C9orf78: variants seen among roughly 807,000 people sequenced by gnomAD.
C9orf78 encodes the protein chromosome 9 open reading frame 78.
C9orf78 carries 19 observed loss-of-function variants against 37.4 expected under a neutral mutation model. The ratio of observed to expected loss-of-function variants is 0.51; its 90% CI spans 0.35 to 0.74. C9orf78 has a LOEUF of 0.74. Among genes scored for constraint, C9orf78 ranks in the 30% least tolerant of loss-of-function variants. The pLI is 0.01. For missense variants in C9orf78, 291 were observed against 370.8 expected, an observed-to-expected ratio of 0.78 and a Z score of 1.77; for synonymous variants, 130 against 128.0, an observed-to-expected ratio of 1.02 and a Z score of -0.10.
intron 1 of C9orf78, 26 bp from the exon 2 acceptor site, chr9:129,834,792 T>C (rs773835491): frequency 5.1e-6 from 8 of 1,554,006 alleles, no homozygotes; most frequent in Admixed American, 3.3e-5. Context: ...GAAGCAGCAA[T>C]GCATAAGCTG....
chr9:129,834,427 CTT>C (rs771304803), intron 2 of C9orf78: 39 of 432,744 alleles, frequency 9.0e-5, no homozygotes, highest in Non-Finnish European at 1.4e-4. Flanking sequence ...TATACAAACT[CTT>C]AACGATCGAT....
chr9:129,829,610 G>A, intron 6 of C9orf78, 69 bp from the exon 7 acceptor site: 1 of 1,424,634 alleles, frequency 7.0e-7, no homozygotes, highest in East Asian at 2.3e-5. Flanking sequence ...TGAGTGGTGA[G>A]GCTGGCAGCC....
intron 6 of C9orf78, chr9:129,829,747 C>T (rs902129414): frequency 2.0e-6 from 1 of 503,906 alleles, no homozygotes; most frequent in Non-Finnish European, 3.5e-6. Flanking sequence ...CTCTTCTGAT[C>T]AAGAGCAAAT....
In C9orf78 at chr9:129,827,985, G is replaced by T; in HGVS notation, c.*176C>A. On this transcript the variant is annotated 3_prime_UTR_variant, in exon 9 of 9. Transcript: ENST00000372447. ...TTTCTGTATTTTCAGTAGAGACTGG[G>T]TTTCTCCATGTTGGTCAGGCTGGTC... 1 of 414,634 alleles carries T rather than the reference G, an allele frequency of 2.4e-6. No homozygotes were observed. Among genetic ancestry groups the T allele is most frequent in the Non-Finnish European group, 4.8e-6 (1 of 210,284 alleles). 25.7% of individuals were successfully genotyped at this position (414,634 alleles called of 1,614,324 possible).
chr9:129,828,996 T>C (rs2031416794), intron 8 of C9orf78: 1 of 651,858 alleles, frequency 1.5e-6, no homozygotes, highest in South Asian at 1.7e-5. Flanking sequence ...CTCAGAGTAA[T>C]CCTAACAGGT....
rs750664005 is a variant in C9orf78 at position 129,833,480 on chromosome 9, T to C, written c.233A>G (p.Asp78Gly). The part of the protein sequence containing the change: ...PFQMKTGGMV[D>G]MKKLKERGKD... ...GCCCCTTTCCTTCAGTTTCTTCATA[T>C]CCACCATACCACCTGTCTTCATCTG... The change falls in exon 4 of 9, where the codon GAT (aspartate) becomes GGT (glycine). Residue 78 changes from aspartate to glycine, a missense_variant. Asp to Gly is a moderately conservative substitution (Grantham distance 94). Coordinates refer to ENST00000372447, the MANE Select transcript of C9orf78 (RefSeq NM_016520.3). The C allele has an allele frequency of 5.0e-6, 8 of 1,606,140 alleles. No individual in the cohort carries two copies. The highest frequency in any genetic ancestry group is 1.1e-5 in the South Asian group (1 of 90,946).
In C9orf78 at chr9:129,835,236, A is replaced by G; in HGVS notation, c.-15T>C. The G allele has an allele frequency of 6.3e-7, 1 of 1,592,658 alleles. No homozygotes were observed. The highest frequency in any genetic ancestry group is 8.6e-7 in the Non-Finnish European group (1 of 1,167,698). On this transcript the variant is annotated 5_prime_UTR_variant, in exon 1 of 9. Transcript: ENST00000372447. ...ACGACCGGCATGGTGACAACGGCCG[A>G]GTTGTACAGCCGCCGCGCCTCTGCG...
rs777283420 is a variant in C9orf78 at position 129,827,468 on chromosome 9, G to A, written c.*693C>T. ...GCATTTCTGACCCCATCCCAGACAC[G>A]TGAAAGCAGAAGACATGATGCATCT... On this transcript the variant is annotated 3_prime_UTR_variant, in exon 9 of 9. Coordinates refer to ENST00000372447, the MANE Select transcript of C9orf78 (RefSeq NM_016520.3). The A allele has an allele frequency of 7.9e-5, 12 of 151,988 alleles. No individual in the cohort carries two copies. Among genetic ancestry groups the A allele is most frequent in the Non-Finnish European group, 1.5e-4 (10 of 68,028 alleles). 9.4% of individuals were successfully genotyped at this position (151,988 alleles called of 1,614,324 possible).
rs1412054147 is a variant in C9orf78, at chr9:129,828,097, A to G, written c.*64T>C. ...CAGGAGCCACCACGCCCGGCCAGGA[A>G]GCCATTTTTCATGGGAGGGATATAG... On this transcript the variant is annotated 3_prime_UTR_variant, in exon 9 of 9. Transcript: ENST00000372447. The G allele has an allele frequency of 2.1e-6, 2 of 974,796 alleles. No individual in the cohort carries two copies. Among genetic ancestry groups the G allele is most frequent in the Non-Finnish European group, 1.6e-6 (1 of 615,700 alleles). The allele number at this position is 974,796 out of a possible 1,614,324, so 60.4% of individuals were successfully genotyped here. A position where few individuals can be genotyped will look rare whatever the true frequency, so the allele number is the denominator to read the frequency against.
chr9:129,830,562 G>A (rs1489737792), intron 6 of C9orf78: 1 of 338,082 alleles, frequency 3.0e-6, no homozygotes, highest in Non-Finnish European at 5.6e-6. Flanking sequence ...TCGCCAGACT[G>A]GAGTGCAGTG....
At chr9:129,833,015 G>GTATATACATGTGTGTA (rs150955426) in intron 4 of C9orf78, among the ~76,000 whole-genome samples, 1 of 149,156 alleles carries the variant, frequency 6.7e-6, no homozygotes, top group Non-Finnish European at 1.5e-5. Flanking sequence ...GTGTGTGTGT[G>GTATATACATGTGTGTA]TATATGTGTA....
rs568240564 is a variant in C9orf78 at position 129,832,847 on chromosome 9, T to G, written c.266+600A>C. 2.0e-5 allele frequency among the ~76,000 whole-genome samples: 3 copies of G among 152,200 alleles called. No individual in the cohort carries two copies. In the East Asian group the frequency reaches 5.8e-4, roughly 29 times the overall value. On this transcript the variant is annotated intron_variant, in intron 4 of 8. Coordinates refer to ENST00000372447, the MANE Select transcript of C9orf78 (RefSeq NM_016520.3). Reference sequence around the variant, plus strand: ...CTCTGTCACCCAGGCTGGAGTGCAGTGGTGTGATCGCGGCTCACTCTAGCC... The same window carrying G: ...CTCTGTCACCCAGGCTGGAGTGCAGGGGTGTGATCGCGGCTCACTCTAGCC...
Position 129,829,412 on chromosome 9 carries a change from G to A in C9orf78, c.672C>T (p.His224=), listed in dbSNP as rs756104638. ...PTNMAVNYVQ[H]NRFYHEELNA... ...GCTCTCCGAGGGGCTTACATCTGTT[G>A]TGCTGCACATAATTCACAGCCATGT... The change falls in exon 7 of 9, where the codon CAC becomes CAT. Residue 224 remains histidine (H), a synonymous_variant. Coordinates refer to ENST00000372447, the MANE Select transcript of C9orf78 (RefSeq NM_016520.3). 3.1e-6 allele frequency: 5 copies of A among 1,613,966 alleles called. No homozygotes were observed. Among genetic ancestry groups the A allele is most frequent in the South Asian group, 2.2e-5 (2 of 91,086 alleles).
At chr9:129,829,093 T>G (rs7032945) in intron 8 of C9orf78, 112 bp downstream of exon 8, 182,505 of 757,684 alleles carry the variant, frequency 0.24, 22,444 homozygotes, top group South Asian at 0.27. Context: ...CTGGAACCCA[T>G]ATGCCCCGGC....
intron 2 of C9orf78, chr9:129,834,099 G>A (rs1396537139): frequency 2.2e-5 from 5 of 230,998 alleles, no homozygotes; most frequent in Non-Finnish European, 4.3e-5. Context: ...CCAAAATAGG[G>A]GATTTGTTAA....
At chr9:129,829,696 C>T in intron 6 of C9orf78, 155 bp from the exon 7 acceptor site, 4 of 640,194 alleles carry the variant, frequency 6.2e-6, no homozygotes, top group Non-Finnish European at 1.1e-5. Flanking sequence ...GTCACATTCT[C>T]ACGGGACTCT....
chr9:129,834,581 GCAGTGGAAGGTGTA>G, intron 2 of C9orf78, 112 bp downstream of exon 2: 1 of 688,918 alleles, frequency 1.5e-6, no homozygotes. Flanking sequence ...TCCAAGTTGG[GCAGTGGAAGGTGTA>G]CAGTGTGTCA....
At chr9:129,835,049 TAAC>T (rs1271066665) in intron 1 of C9orf78, 87 bp downstream of exon 1, 1 of 1,076,796 alleles carries the variant, frequency 9.3e-7, no homozygotes, top group Non-Finnish European at 1.4e-6. Context: ...AGCTCACAGT[TAAC>T]AATGTCAGCG....
At chr9:129,834,608 A>G (rs913355062) in intron 2 of C9orf78, 99 bp downstream of exon 2, 2 of 829,530 alleles carry the variant, frequency 2.4e-6, no homozygotes, top group African/African-American at 3.4e-5. Context: ...GTGTGTCAAG[A>G]GAAAAATCTA....
Sources: gnomAD v4.1 joint callset for allele counts (sites outside exome capture counted in the v4.1 genomes callset) on GRCh38, gnomAD v4.1.1 for gene constraint, MANE v1.5 for transcripts, NCBI Gene and HGNC (gene_info 2026-07-23, HGNC 2026-07-21) for gene names.